TMEM62: variants seen among roughly 807,000 people sequenced by gnomAD.
TMEM62 encodes the protein transmembrane protein 62.
Under a neutral mutation model 70.4 loss-of-function variants are expected in TMEM62, and 41 were observed. That is an observed-to-expected ratio of 0.58 (90% CI 0.45 to 0.76). The LOEUF (loss-of-function observed/expected upper bound fraction) is 0.76. TMEM62 is among the 30% of genes least tolerant of loss of function. The pLI is 0.00. For missense variants in TMEM62, 688 were observed against 788.5 expected (o/e 0.87, Z 1.53); for synonymous variants, 268 against 291.0 (o/e 0.92, Z 0.80).
intron 4 of TMEM62, among the ~76,000 whole-genome samples, chr15:43,139,933 C>T (rs974055522): frequency 4.6e-5 from 7 of 152,188 alleles, no homozygotes; most frequent in African/African-American, 1.4e-4. Flanking sequence ...AAGGTGGCTG[C>T]GCTAAACAAC....
intron 9 of TMEM62, 57 bp downstream of exon 9, chr15:43,154,888 T>A: frequency 7.0e-7 from 1 of 1,438,714 alleles, no homozygotes; most frequent in South Asian, 1.5e-5. Flanking sequence ...CACAATGAAT[T>A]CTGGTTTGGA....
chr15:43,135,741 G>C, intron 3 of TMEM62, 92 bp downstream of exon 3: 1 of 1,426,812 alleles, frequency 7.0e-7, no homozygotes, highest in Non-Finnish European at 9.3e-7. Context: ...AAATTATAAA[G>C]TGGGACATTT....
intron 10 of TMEM62, among the ~76,000 whole-genome samples, chr15:43,167,529 A>G (rs1422664072): frequency 2.1e-5 from 3 of 143,932 alleles, no homozygotes; most frequent in East Asian, 2.1e-4. Context: ...GACGATGGGC[A>G]GCCGGGCAGA....
intron 10 of TMEM62, among the ~76,000 whole-genome samples, chr15:43,164,970 T>C (rs191432778): frequency 6.6e-6 from 1 of 152,212 alleles, no homozygotes; most frequent in Admixed American, 6.5e-5. Flanking sequence ...TTCTTCTCTC[T>C]TGTTGCTTTT....
intron 3 of TMEM62, among the ~76,000 whole-genome samples, chr15:43,137,338 CAA>C (rs1190189148): frequency 3.9e-5 from 6 of 152,318 alleles, no homozygotes; most frequent in Admixed American, 2.6e-4. Flanking sequence ...CTTATAATTT[CAA>C]AGTTATTTAT....
chr15:43,133,712 A>T lies in TMEM62; in HGVS notation c.-91A>T. The T allele has an allele frequency of 1.1e-6, 1 of 887,432 alleles. No homozygotes were observed. The highest frequency in any genetic ancestry group is 4.2e-5 in the South Asian group (1 of 23,994). The allele number at this position is 887,432 out of a possible 1,614,324, so 55.0% of individuals were successfully genotyped here. On this transcript the variant is annotated 5_prime_UTR_variant, in exon 1 of 14. Transcript: ENST00000260403. ...CATCCAGCTCTGGCCCTGCGACAAT[A>T]GAGTCCGGAAGTGCAGGCAAAGCGG...
At chr15:43,173,947 A>G (rs1434835485) in intron 11 of TMEM62, among the ~76,000 whole-genome samples, 1 of 147,296 alleles carries the variant, frequency 6.8e-6, no homozygotes, top group Non-Finnish European at 1.5e-5. Context: ...AATCTCTGCC[A>G]CATGGGTTCT....
At chr15:43,183,988 C>A (rs183215200) in intron 13 of TMEM62, 1 of 459,290 alleles carries the variant, frequency 2.2e-6, no homozygotes, top group Non-Finnish European at 3.9e-6. Context: ...AGCTTAACAC[C>A]ATTGGGTATT....
At chr15:43,155,506 T>C (rs902114378) in intron 9 of TMEM62, among the ~76,000 whole-genome samples, 11 of 151,900 alleles carry the variant, frequency 7.2e-5, no homozygotes, top group Admixed American at 5.3e-4. Context: ...AAAAAATAAA[T>C]AAATAAAAAT....
intron 11 of TMEM62, among the ~76,000 whole-genome samples, chr15:43,175,820 AGACAGTGGGCGCAG>A (rs2040668180): frequency 6.6e-6 from 1 of 152,206 alleles, no homozygotes; most frequent in Non-Finnish European, 1.5e-5. Context: ...AGGGAGTGCC[AGACAGTGGGCGCAG>A]GACAGTGGGT....
chr15:43,182,336 A>C (rs1433019333), intron 13 of TMEM62, among the ~76,000 whole-genome samples: 3 of 152,252 alleles, frequency 2.0e-5, no homozygotes, highest in Non-Finnish European at 2.9e-5. Flanking sequence ...GAGACAGCCA[A>C]GTAGGAAAGA....
chr15:43,161,965 A>G (rs1309474005), intron 10 of TMEM62, among the ~76,000 whole-genome samples: 11 of 151,448 alleles, frequency 7.3e-5, no homozygotes, highest in Admixed American at 7.2e-4. Context: ...CCCAGCTTGT[A>G]TATGTATTTT....
intron 12 of TMEM62, among the ~76,000 whole-genome samples, chr15:43,179,247 T>A (rs758094345): frequency 7.9e-5 from 12 of 152,146 alleles, no homozygotes; most frequent in Non-Finnish European, 1.6e-4. Flanking sequence ...AAAGTATATA[T>A]ATCTATCCAT....
At chr15:43,181,688 G>A in intron 13 of TMEM62, among the ~76,000 whole-genome samples, 1 of 152,176 alleles carries the variant, frequency 6.6e-6, no homozygotes, top group East Asian at 1.9e-4. Context: ...TTTTAGTAGA[G>A]ACAGGGTTTC....
rs751567288 is a variant in TMEM62 at position 43,178,671 on chromosome 15, C to G, written c.1446C>G (p.Phe482Leu). ...SLHVLSKINI[F>L]YYSVLLLTLY... ...ATGTCTTGAGCAAAATAAACATCTT[C>G]TACTATTCTGTGTTGTTGTTGACCC... Residue 482 changes from phenylalanine (F) to leucine (L), a missense_variant, in exon 12 of 14, where the codon TTC (phenylalanine) becomes TTG (leucine). Physicochemically the swap from Phe to Leu is conservative, Grantham distance 22. Coordinates refer to ENST00000260403, the MANE Select transcript of TMEM62 (RefSeq NM_024956.4). The G allele has an allele frequency of 1.2e-6, 2 of 1,612,822 alleles. No individual in the cohort carries two copies. Among genetic ancestry groups the G allele is most frequent in the Non-Finnish European group, 1.7e-6 (2 of 1,179,118 alleles).
Position 43,151,977 on chromosome 15 carries a change from G to C in TMEM62, c.1022+32G>C, listed in dbSNP as rs16957462. 2.8e-3 allele frequency: 4,379 copies of C among 1,545,270 alleles called. 128 individuals carry two copies. In the African/African-American group the frequency reaches 0.055, roughly 19 times the overall value. On this transcript the variant is annotated intron_variant, in intron 8 of 13. Coordinates refer to ENST00000260403, the MANE Select transcript of TMEM62 (RefSeq NM_024956.4). ...AGCAATTTTTTAGAATTTACTTTCA[G>C]TTTGATAATGAAGGAGAATAAGTCA... is the stretch of plus-strand genomic sequence containing the variant.
intron 4 of TMEM62, among the ~76,000 whole-genome samples, chr15:43,145,602 T>C (rs2036576435): frequency 6.6e-6 from 1 of 152,228 alleles, no homozygotes; most frequent in Non-Finnish European, 1.5e-5. Flanking sequence ...TTAGTTGTAA[T>C]GTCTATATCA....
chr15:43,175,765 G>A (rs1416393916), intron 11 of TMEM62, among the ~76,000 whole-genome samples: 6 of 152,200 alleles, frequency 3.9e-5, no homozygotes, highest in South Asian at 2.1e-4. Context: ...CACAGAAGAC[G>A]GGTGATTTCT....
rs570865648 is a variant in TMEM62, at chr15:43,146,635, G to T, written c.618+1G>T. The T allele has an allele frequency of 6.2e-7, 1 of 1,605,068 alleles. No homozygotes were observed. Among genetic ancestry groups the T allele is most frequent in the East Asian group, 2.2e-5 (1 of 44,798 alleles). ...TAATTTCTTTGGAATTTTAGATAAG[G>T]TGCAGTAAAAATCTTACTTCCCTTT... On this transcript the variant is annotated splice_donor_variant, in intron 5 of 13. Coordinates refer to ENST00000260403, the MANE Select transcript of TMEM62 (RefSeq NM_024956.4). LOFTEE classifies it high-confidence loss of function.
Sources: gnomAD v4.1 joint callset for allele counts (sites outside exome capture counted in the v4.1 genomes callset) on GRCh38, gnomAD v4.1.1 for gene constraint, MANE v1.5 for transcripts, NCBI Gene and HGNC (gene_info 2026-07-23, HGNC 2026-07-21) for gene names.